The following MALT1 variants were observed in gnomAD, a reference collection of about 807,000 sequenced individuals.
The protein encoded by MALT1 is MALT1 paracaspase.
A neutral mutation model predicts 85.5 loss-of-function variants in MALT1; 36 were observed. The observed-to-expected ratio is 0.42, with a 90% CI of 0.32 to 0.56. MALT1 has a LOEUF of 0.56. Among genes scored for constraint, MALT1 ranks in the 20% least tolerant of loss-of-function variants. MALT1 has a pLI of 0.10. For missense variants in MALT1, 716 were observed against 981.6 expected (o/e 0.73, Z 3.62); for synonymous variants, 359 against 361.3 (o/e 0.99, Z 0.07).
Position 58,735,241 on chromosome 18 carries a change from A to T in MALT1, c.1515A>T (p.Gly505=). ...GAEAFEIQHS[G]LANGIFMKFL... ...AAGCTTTTGAAATCCAGCATTCTGG[A>T]TTGGCAAATGGAATCTTTATGAAAT... Residue 505 remains glycine, a synonymous_variant, in exon 13 of 17, where the codon GGA becomes GGT. Transcript: ENST00000649217. The T allele has an allele frequency of 6.2e-7, 1 of 1,611,078 alleles. No homozygotes were observed. Among genetic ancestry groups the T allele is most frequent in the Non-Finnish European group, 8.5e-7 (1 of 1,179,512 alleles).
At chr18:58,700,359 T>C in intron 3 of MALT1, 82 bp from the exon 4 acceptor site, 3 of 1,130,190 alleles carry the variant, frequency 2.7e-6, no homozygotes, top group Non-Finnish European at 3.6e-6. Context: ...AGCTTCATAC[T>C]GAAATCATAG....
chr18:58,699,453 A>G (rs547577974), intron 3 of MALT1, among the ~76,000 whole-genome samples: 4 of 152,326 alleles, frequency 2.6e-5, no homozygotes, highest in African/African-American at 9.6e-5. Context: ...GGGAGAGAGT[A>G]GAGTTCAGTA....
At position 58,751,020 on chromosome 18, in the gene MALT1, C is replaced by G. The variant is rs989779597; in HGVS notation, c.*3178C>G. The G allele has an allele frequency of 1.3e-5, 2 of 152,180 alleles. No individual in the cohort carries two copies. Among genetic ancestry groups the G allele is most frequent in the African/African-American group, 4.8e-5 (2 of 41,440 alleles). 9.4% of individuals were successfully genotyped at this position (152,180 alleles called of 1,614,324 possible). On this transcript the variant is annotated 3_prime_UTR_variant, in exon 17 of 17. Transcript: ENST00000649217. ...GCAGGTGCTCAGCTGTGGTTACCAC[C>G]GAGCAGCACTGTCCAGTGAACTTGC...
intron 16 of MALT1, among the ~76,000 whole-genome samples, chr18:58,746,016 ATTCTT>A (rs545818996): frequency 8.6e-5 from 13 of 151,972 alleles, no homozygotes; most frequent in Non-Finnish European, 1.2e-4. Context: ...ATTAGAGTAT[ATTCTT>A]TTTTCTTTTT....
intron 2 of MALT1, among the ~76,000 whole-genome samples, chr18:58,691,867 C>A (rs1371365148): frequency 4.6e-5 from 6 of 131,088 alleles, no homozygotes; most frequent in Non-Finnish European, 9.5e-5. Flanking sequence ...AGCGAGACTC[C>A]GTCTCAAAAA....
At chr18:58,693,383 T>A (rs2144344281) in intron 2 of MALT1, among the ~76,000 whole-genome samples, 1 of 152,172 alleles carries the variant, frequency 6.6e-6, no homozygotes, top group East Asian at 1.9e-4. Context: ...ATCATGACAC[T>A]GCACTCCAGC....
At chr18:58,671,985 T>C in intron 1 of MALT1, 133 bp downstream of exon 1, 1 of 530,682 alleles carries the variant, frequency 1.9e-6, no homozygotes, top group South Asian at 9.8e-5. Context: ...TGGGGAGGAC[T>C]TCGGTCATTG....
At position 58,747,610 on chromosome 18, in the gene MALT1, G is replaced by T; in HGVS notation, c.2243G>T (p.Gly748Val). The T allele has an allele frequency of 6.2e-7, 1 of 1,614,110 alleles. No homozygotes were observed. Among genetic ancestry groups the T allele is most frequent in the Non-Finnish European group, 8.5e-7 (1 of 1,180,012 alleles). Residue 748 changes from glycine (G) to valine (V), a missense_variant, in exon 17 of 17, where the codon GGG becomes GTG. By Grantham distance (109) the Gly-to-Val change is moderately radical. Coordinates refer to ENST00000649217, the MANE Select transcript of MALT1 (RefSeq NM_006785.4). ...TCTGCAGCCACCTCAGGAGGAGCAG[G>T]GCATTATCACTCATTGCAAGACCCA... ...QSSAATSGGA[G>V]HYHSLQDPFH...
chr18:58,709,261 G>A lies in MALT1; in HGVS notation c.650-117G>A, dbSNP rs573331192. ...TGCTATAGTTTTTTTAAACAGTTTG[G>A]GAAATGTTATTAAAAATTGTAACAA... On this transcript the variant is annotated intron_variant, in intron 4 of 16. Coordinates refer to ENST00000649217, the MANE Select transcript of MALT1 (RefSeq NM_006785.4). 118 of 642,370 alleles carry A rather than the reference G, an allele frequency of 1.8e-4. No individual in the cohort carries two copies. The African/African-American group carries it at 2.0e-3, about 11-fold the overall frequency. The allele number at this position is 642,370 out of a possible 1,614,324, so 39.8% of individuals were successfully genotyped here.
chr18:58,727,662 G>T (rs1230262706), intron 10 of MALT1, among the ~76,000 whole-genome samples: 1 of 142,572 alleles, frequency 7.0e-6, no homozygotes, highest in East Asian at 2.0e-4. Flanking sequence ...AAGTCAGGGG[G>T]TTTAAAGCTG....
intron 14 of MALT1, 128 bp downstream of exon 14, chr18:58,742,142 A>C: frequency 1.9e-6 from 1 of 528,142 alleles, no homozygotes; most frequent in Non-Finnish European, 3.0e-6. Context: ...GGCAAATCTC[A>C]AACCAAACAA....
At chr18:58,738,179 G>A (rs2055251883) in intron 13 of MALT1, among the ~76,000 whole-genome samples, 1 of 151,932 alleles carries the variant, frequency 6.6e-6, no homozygotes, top group African/African-American at 2.4e-5. Flanking sequence ...TAGTTTTATT[G>A]AGTTTATATA....
chr18:58,733,691 T>G (rs896571488), intron 11 of MALT1, 117 bp downstream of exon 11: 1 of 879,544 alleles, frequency 1.1e-6, no homozygotes, highest in African/African-American at 1.7e-5. Flanking sequence ...GTTTATACAT[T>G]GAAACTGGAA....
intron 13 of MALT1, among the ~76,000 whole-genome samples, chr18:58,738,965 T>A (rs2144477174): frequency 6.6e-6 from 1 of 152,320 alleles, no homozygotes; most frequent in African/African-American, 2.4e-5. Flanking sequence ...TTTAGAATAA[T>A]ATTGTAAGTT....
In MALT1 at chr18:58,745,688, A is replaced by C. The variant is rs753361687; in HGVS notation, c.1934A>C (p.Asp645Ala). Residue 645 changes from aspartate to alanine, a missense_variant, in exon 16 of 17, where the codon GAT becomes GCT. Physicochemically the swap from Asp to Ala is moderately radical, Grantham distance 126. This residue lies in a region of MALT1 where 260 missense variants were observed against 323.7 expected (regional missense o/e 0.80). Transcript: ENST00000649217. ...CAGGATCTAGATATTGATCCAAAAG[A>C]TGCAAATAAAGGCACACCTGAAGAA... ...FPLDLDIDPK[D>A]ANKGTPEETG... 14 of 1,613,342 alleles carry C rather than the reference A, an allele frequency of 8.7e-6. No homozygotes were observed. In the South Asian group the frequency reaches 1.4e-4, roughly 16 times the overall value.
Position 58,752,302 on chromosome 18 carries a change from T to C in MALT1, c.*4460T>C, listed in dbSNP as rs2055456896. Reference sequence around the variant, plus strand: ...AAATCTGATGTATGTAATTTTACTTTTAAGGGTTTTTTTCCAAACAGACGT... The same window carrying C: ...AAATCTGATGTATGTAATTTTACTTCTAAGGGTTTTTTTCCAAACAGACGT... On this transcript the variant is annotated 3_prime_UTR_variant, in exon 17 of 17. Transcript: ENST00000649217. 2 of 152,184 alleles carry C rather than the reference T, an allele frequency of 1.3e-5. No homozygotes were observed. The highest frequency in any genetic ancestry group is 4.8e-5 in the African/African-American group (2 of 41,444). The allele number at this position is 152,184 out of a possible 1,614,324, so 9.4% of individuals were successfully genotyped here.
chr18:58,720,969 G>T (rs2054974009), intron 9 of MALT1, among the ~76,000 whole-genome samples: 1 of 152,176 alleles, frequency 6.6e-6, no homozygotes, highest in Non-Finnish European at 1.5e-5. Context: ...CTCTGTTGAG[G>T]TTGGATCCTT....
chr18:58,736,607 A>G (rs2055224863), intron 13 of MALT1, among the ~76,000 whole-genome samples: 2 of 152,226 alleles, frequency 1.3e-5, no homozygotes, highest in African/African-American at 4.8e-5. Context: ...GCTCACTCAC[A>G]TATGATATTT....
At chr18:58,742,144 A>G in intron 14 of MALT1, 130 bp downstream of exon 14, 1 of 529,324 alleles carries the variant, frequency 1.9e-6, no homozygotes, top group Non-Finnish European at 3.0e-6. Context: ...CAAATCTCAA[A>G]CCAAACAAAT....
Sources: allele counts gnomAD v4.1 joint callset (sites outside exome capture counted in the v4.1 genomes callset), GRCh38; gene constraint gnomAD v4.1.1; regional missense constraint gnomAD v4.1.1; transcripts MANE v1.5; gene names NCBI Gene and HGNC (gene_info 2026-07-23, HGNC 2026-07-21).